DISP1: variants seen among roughly 807,000 people sequenced by gnomAD.
DISP1 encodes dispatched RND transporter family member 1.
In DISP1, 30 loss-of-function variants were observed where a neutral mutation model predicts 37.3. The ratio of observed to expected loss-of-function variants is 0.80; its 90% CI spans 0.60 to 1.09. DISP1 has a LOEUF of 1.09. Among genes scored for constraint, DISP1 ranks in the 50% least tolerant of loss-of-function variants. DISP1 has a pLI of 0.00. For synonymous variants in DISP1, 634 were observed against 690.2 expected (o/e 0.92, Z 1.28); for missense variants, 1,598 against 1,879.5 (o/e 0.85, Z 2.77).
At chr1:222,840,557 C>CTCT (rs1667534420) in intron 1 of DISP1, among the ~76,000 whole-genome samples, 1 of 116,130 alleles carries the variant, frequency 8.6e-6, no homozygotes, top group Admixed American at 9.7e-5. Context: ...TACAGTATCT[C>CTCT]TTTTTTTTTT....
chr1:222,820,893 A>G (rs1411575480), intron 1 of DISP1, among the ~76,000 whole-genome samples: 4 of 152,172 alleles, frequency 2.6e-5, no homozygotes, highest in Admixed American at 6.5e-5. Context: ...CACTAGAATG[A>G]GATCCCTTTT....
intron 1 of DISP1, among the ~76,000 whole-genome samples, chr1:222,858,985 A>G (rs1443127539): frequency 2.0e-5 from 3 of 152,252 alleles, no homozygotes; most frequent in Non-Finnish European, 4.4e-5. Flanking sequence ...TACTGGGTAT[A>G]TACCCAAAGG....
At chr1:222,871,554 TTG>T (rs1275462702) in intron 1 of DISP1, among the ~76,000 whole-genome samples, 1 of 152,240 alleles carries the variant, frequency 6.6e-6, no homozygotes, top group South Asian at 2.1e-4. Flanking sequence ...TTTGAAGCAA[TTG>T]TGAATGGGAA....
chr1:222,874,868 T>C (rs1471503679), intron 1 of DISP1, among the ~76,000 whole-genome samples: 1 of 152,104 alleles, frequency 6.6e-6, no homozygotes, highest in African/African-American at 2.4e-5. Flanking sequence ...TTCTCCTCTG[T>C]TTTTTCCCCA....
At position 223,003,034 on chromosome 1, in the gene DISP1, A is replaced by G; in HGVS notation, c.1637A>G (p.Tyr546Cys). The G allele has an allele frequency of 6.2e-7, 1 of 1,614,018 alleles. No individual in the cohort carries two copies. The highest frequency in any genetic ancestry group is 1.3e-5 in the African/African-American group (1 of 75,032). ...TCTTTGATTGTTTCCTATTTTCTCT[A>G]TCGTGTAGTATTTCACTTCGAATTT... is the stretch of plus-strand genomic sequence containing the variant. ...ISSLIVSYFL[Y>C]RVVFHFEFFP... The change falls in exon 9 of 9, where the codon TAT (tyrosine) becomes TGT (cysteine). Residue 546 changes from tyrosine to cysteine, a missense_variant. By Grantham distance (194) the Tyr-to-Cys change is radical. Coordinates refer to ENST00000675850, the MANE Select transcript of DISP1 (RefSeq NM_001377229.1). This position sits in a 1 kb window ranked among gnomAD's most constrained non-coding sequence, Gnocchi z 4.3.
intron 1 of DISP1, among the ~76,000 whole-genome samples, chr1:222,820,816 C>G (rs1244556774): frequency 6.6e-6 from 1 of 152,116 alleles, no homozygotes; most frequent in African/African-American, 2.4e-5. Context: ...CCACATAGTA[C>G]TCAAGAAATT....
chr1:222,975,120 G>T (rs1412086180), intron 3 of DISP1, among the ~76,000 whole-genome samples: 1 of 151,986 alleles, frequency 6.6e-6, no homozygotes, highest in Non-Finnish European at 1.5e-5. Context: ...TGACCTCCTG[G>T]GCTCAAGCAA....
intron 1 of DISP1, among the ~76,000 whole-genome samples, chr1:222,898,965 A>C (rs1387069907): frequency 2.0e-5 from 3 of 152,186 alleles, no homozygotes; most frequent in African/African-American, 7.2e-5. Context: ...GTGACATTTA[A>C]TCTTTAATGT....
Position 222,942,847 on chromosome 1 carries a change from T to C in DISP1, c.24T>C (p.Asn8=), listed in dbSNP as rs760420710. 1.2e-6 allele frequency: 2 copies of C among 1,614,158 alleles called. No individual in the cohort carries two copies. The highest frequency in any genetic ancestry group is 1.1e-5 in the South Asian group (1 of 91,090). MAMSNGN[N]DFVVLSNSSI... ...GCATGGCTATGAGCAATGGAAACAATGATTTTGTGGTTCTGAGCAACAGCA... is the reference window on the plus strand; with the variant it reads ...GCATGGCTATGAGCAATGGAAACAACGATTTTGTGGTTCTGAGCAACAGCA... The change falls in exon 3 of 9, where the codon AAT becomes AAC. Residue 8 remains asparagine (N), a synonymous_variant. Coordinates refer to ENST00000675850, the MANE Select transcript of DISP1 (RefSeq NM_001377229.1).
In DISP1 at chr1:222,893,494, G is replaced by C. The variant is rs530028566; in HGVS notation, c.-158-34936G>C. ...AGCCAGGCATGGAGCGGTGAGGGCTGTGTGGGCGAGTGAGTGTGAGGTCTG... is the reference window on the plus strand; with the variant it reads ...AGCCAGGCATGGAGCGGTGAGGGCTCTGTGGGCGAGTGAGTGTGAGGTCTG... On this transcript the variant is annotated intron_variant, in intron 1 of 8. Coordinates refer to ENST00000675850, the MANE Select transcript of DISP1 (RefSeq NM_001377229.1). This position sits in a 1 kb window ranked among gnomAD's most constrained non-coding sequence, Gnocchi z 4.3. Among the ~76,000 whole-genome samples the C allele has an allele frequency of 6.6e-6, 1 of 152,258 alleles. No homozygotes were observed. The highest frequency in any genetic ancestry group is 2.4e-5 in the African/African-American group (1 of 41,472).
At chr1:222,930,433 A>C (rs1044285028) in intron 2 of DISP1, among the ~76,000 whole-genome samples, 5 of 152,058 alleles carry the variant, frequency 3.3e-5, no homozygotes, top group African/African-American at 9.7e-5. Context: ...AGAGCAACTA[A>C]AAAAAATTAG....
chr1:222,973,433 G>A (rs966208601), intron 3 of DISP1, among the ~76,000 whole-genome samples: 1 of 152,054 alleles, frequency 6.6e-6, no homozygotes, highest in Non-Finnish European at 1.5e-5. Context: ...TACAGTATGA[G>A]TTGTTTTGAA....
chr1:222,859,107 TAAAG>T (rs1267715033), intron 1 of DISP1, among the ~76,000 whole-genome samples: 7 of 152,018 alleles, frequency 4.6e-5, no homozygotes, highest in Non-Finnish European at 7.4e-5. Context: ...ATAGACTGGA[TAAAG>T]AAAATGTGAT....
At chr1:222,962,106 G>A (rs1048775242) in intron 3 of DISP1, among the ~76,000 whole-genome samples, 3 of 152,190 alleles carry the variant, frequency 2.0e-5, no homozygotes, top group African/African-American at 4.8e-5. Context: ...CAAAATCAAC[G>A]TGCAGAAATC....
At chr1:222,936,702 C>T (rs57298794) in intron 2 of DISP1, among the ~76,000 whole-genome samples, 2 of 85,150 alleles carry the variant, frequency 2.3e-5, no homozygotes, top group African/African-American at 8.8e-5. Flanking sequence ...TGATATATAT[C>T]ATATATATTA....
chr1:222,860,454 A>G (rs1362295334), intron 1 of DISP1, among the ~76,000 whole-genome samples: 1 of 152,240 alleles, frequency 6.6e-6, no homozygotes, highest in Non-Finnish European at 1.5e-5. Flanking sequence ...GTGTGCCAAT[A>G]TTGAGAAAGC....
At chr1:222,952,413 G>A (rs1006542466) in intron 3 of DISP1, among the ~76,000 whole-genome samples, 48 of 152,262 alleles carry the variant, frequency 3.2e-4, no homozygotes, top group Non-Finnish European at 2.6e-4. Flanking sequence ...GGCAGCAAAT[G>A]AAACTTATAT....
At position 222,989,419 on chromosome 1, in the gene DISP1, C is replaced by T. The variant is rs916313716; in HGVS notation, c.540-1206C>T. On this transcript the variant is annotated intron_variant, in intron 4 of 8. Transcript: ENST00000675850. ...TTTAGAAAACGTTCAGTTTAGTCAGCTTCTGTTGGGTACTCAGCTCATATC... is the reference window on the plus strand; with the variant it reads ...TTTAGAAAACGTTCAGTTTAGTCAGTTTCTGTTGGGTACTCAGCTCATATC... 4 of 985,274 alleles carry T rather than the reference C, an allele frequency of 4.1e-6. No individual in the cohort carries two copies. In the African/African-American group the frequency reaches 7.0e-5, roughly 17 times the overall value. The allele number at this position is 985,274 out of a possible 1,614,324, so 61.0% of individuals were successfully genotyped here.
chr1:222,989,424 G>C, intron 4 of DISP1: 3 of 985,426 alleles, frequency 3.0e-6, no homozygotes, highest in Non-Finnish European at 3.6e-6. Context: ...GTCAGCTTCT[G>C]TTGGGTACTC....
Sources: gnomAD v4.1 joint callset for allele counts (sites outside exome capture counted in the v4.1 genomes callset) on GRCh38, gnomAD v4.1.1 for gene constraint, Gnocchi (gnomAD v3.1) non-coding constraint, MANE v1.5 for transcripts, NCBI Gene and HGNC (gene_info 2026-07-23, HGNC 2026-07-21) for gene names.